The following DOCK4 variants were observed in gnomAD, a reference collection of about 807,000 sequenced individuals.
DOCK4 encodes the protein dedicator of cytokinesis protein 4.
DOCK4 carries 97 observed loss-of-function variants against 268.1 expected under a neutral mutation model. That is an observed-to-expected ratio of 0.36 (90% confidence interval 0.31 to 0.43). DOCK4 has a LOEUF of 0.43. Ranked by LOEUF, DOCK4 falls within the 20% of genes least tolerant of loss-of-function variation. The pLI is 1.00. For synonymous variants in DOCK4, 954 were observed against 887.2 expected (o/e 1.08, Z -1.34); for missense variants, 2,145 against 2,455.7 (o/e 0.87, Z 2.67).
At chr7:112,168,433 C>T (rs920308231) in intron 1 of DOCK4, among the ~76,000 whole-genome samples, 9 of 152,138 alleles carry the variant, frequency 5.9e-5, no homozygotes, top group East Asian at 1.9e-4. Flanking sequence ...ACACAGTTAA[C>T]GAGCCAGGCA....
At chr7:112,068,869 T>TGC (rs1231270104) in intron 1 of DOCK4, among the ~76,000 whole-genome samples, 1 of 152,148 alleles carries the variant, frequency 6.6e-6, no homozygotes, top group Non-Finnish European at 1.5e-5. Context: ...TGTCCCCAAG[T>TGC]GCCTCACCAG....
At chr7:111,827,827 C>T (rs1307525739) in intron 26 of DOCK4, among the ~76,000 whole-genome samples, 2 of 152,104 alleles carry the variant, frequency 1.3e-5, no homozygotes, top group Non-Finnish European at 1.5e-5. Flanking sequence ...GATTGGACTT[C>T]GTCCTGCAAG....
chr7:112,153,275 A>G (rs1816274241), intron 1 of DOCK4, among the ~76,000 whole-genome samples: 1 of 152,220 alleles, frequency 6.6e-6, no homozygotes, highest in Non-Finnish European at 1.5e-5. Context: ...TAAAATGCAC[A>G]TTGAACATTT....
chr7:111,825,989 G>C (rs1406018496), intron 26 of DOCK4, among the ~76,000 whole-genome samples: 1 of 152,216 alleles, frequency 6.6e-6, no homozygotes, highest in Admixed American at 6.5e-5. Flanking sequence ...GGGGATACCT[G>C]GTAAGAGACA....
chr7:112,164,610 TC>T (rs1563148080), intron 1 of DOCK4, among the ~76,000 whole-genome samples: 1 of 152,198 alleles, frequency 6.6e-6, no homozygotes, highest in African/African-American at 2.4e-5. Context: ...CATGGAAAAG[TC>T]TCTCATCTCT....
At position 112,031,550 on chromosome 7, in the gene DOCK4, A is replaced by G. The variant is rs547995735; in HGVS notation, c.38-27419T>C. 2.0e-5 allele frequency among the ~76,000 whole-genome samples: 3 copies of G among 152,166 alleles called. No homozygotes were observed. In the South Asian group the frequency reaches 6.2e-4, roughly 32 times the overall value. On this transcript the variant is annotated intron_variant, in intron 1 of 52. Transcript: ENST00000428084. ...CCAGGCCCAATTCTTATAACCTTCC[A>G]TTGTGTGCACTGATTCCTAACCTTT...
At chr7:111,747,804 T>C (rs1161239964) in intron 42 of DOCK4, among the ~76,000 whole-genome samples, 1 of 152,196 alleles carries the variant, frequency 6.6e-6, no homozygotes, top group Non-Finnish European at 1.5e-5. Context: ...CCCTGAATAT[T>C]ATCCCCTTTC....
intron 27 of DOCK4, among the ~76,000 whole-genome samples, chr7:111,818,553 A>G (rs897676707): frequency 2.0e-5 from 3 of 152,002 alleles, no homozygotes; most frequent in Non-Finnish European, 4.4e-5. Context: ...TCCAAAACCA[A>G]TCTTCTCACT....
At chr7:111,853,795 G>A (rs1452243885) in intron 23 of DOCK4, among the ~76,000 whole-genome samples, 1 of 151,946 alleles carries the variant, frequency 6.6e-6, no homozygotes, top group East Asian at 1.9e-4. Flanking sequence ...TCCTGGCCTG[G>A]GACTCCTACA....
At position 111,848,097 on chromosome 7, in the gene DOCK4, G is replaced by A. The variant is rs115429643; in HGVS notation, c.2474-971C>T. ...TTCTTCAGATCTGGGAATTTGCCTT[G>A]AATTATTTCTAGGATTATTTTCTTC... On this transcript the variant is annotated intron_variant, in intron 23 of 52. Transcript: ENST00000428084. 7.6e-3 allele frequency among the ~76,000 whole-genome samples: 1,153 copies of A among 152,226 alleles called. 18 individuals are homozygous for A. The highest frequency in any genetic ancestry group is 0.027 in the African/African-American group (1,113 of 41,520).
At chr7:111,895,335 C>A (rs928625559) in intron 16 of DOCK4, among the ~76,000 whole-genome samples, 1 of 152,132 alleles carries the variant, frequency 6.6e-6, no homozygotes, top group Non-Finnish European at 1.5e-5. Flanking sequence ...GTTTACTTAA[C>A]CCTATCACAG....
intron 16 of DOCK4, among the ~76,000 whole-genome samples, chr7:111,890,414 A>C (rs1431025280): frequency 6.6e-6 from 1 of 152,188 alleles, no homozygotes; most frequent in East Asian, 1.9e-4. Context: ...TTTTAGGCTT[A>C]TCTGTCAGCC....
chr7:112,043,626 A>G (rs1804589774), intron 1 of DOCK4, among the ~76,000 whole-genome samples: 1 of 152,040 alleles, frequency 6.6e-6, no homozygotes. Flanking sequence ...CACTGTTCCA[A>G]TAGAGCAGAG....
At chr7:111,800,194 G>T (rs934441367) in intron 30 of DOCK4, among the ~76,000 whole-genome samples, 5 of 149,946 alleles carry the variant, frequency 3.3e-5, no homozygotes, top group Non-Finnish European at 5.9e-5. Flanking sequence ...TTTATATAAG[G>T]AAAGATTTTG....
chr7:112,052,670 C>A (rs1441714437), intron 1 of DOCK4, among the ~76,000 whole-genome samples: 1 of 152,050 alleles, frequency 6.6e-6, no homozygotes, highest in Non-Finnish European at 1.5e-5. Flanking sequence ...AGATTTGCTG[C>A]CTCCCACTCA....
intron 16 of DOCK4, among the ~76,000 whole-genome samples, chr7:111,888,883 A>C (rs1808062825): frequency 6.6e-6 from 1 of 152,124 alleles, no homozygotes; most frequent in African/African-American, 2.4e-5. Flanking sequence ...GGAAAGCGTT[A>C]GGGTATTTGG....
chr7:111,780,789 G>GA (rs1257502747), intron 35 of DOCK4, among the ~76,000 whole-genome samples: 1 of 152,164 alleles, frequency 6.6e-6, no homozygotes, highest in Non-Finnish European at 1.5e-5. Flanking sequence ...ATTGCTACTA[G>GA]AAAAAATCAA....
intron 41 of DOCK4, among the ~76,000 whole-genome samples, chr7:111,756,158 A>C (rs113923968): frequency 0.028 from 4,190 of 152,200 alleles, 99 homozygotes; most frequent in African/African-American, 0.06. Flanking sequence ...ACCATCCTGG[A>C]TAATATGGTG....
chr7:111,788,595 A>T, intron 32 of DOCK4, 67 bp downstream of exon 32: 1 of 1,298,638 alleles, frequency 7.7e-7, no homozygotes, highest in Non-Finnish European at 1.1e-6. Flanking sequence ...ACCGTGGTGC[A>T]GAGAGGCTCA....
Sources: gnomAD v4.1 joint callset for allele counts (sites outside exome capture counted in the v4.1 genomes callset) on GRCh38, gnomAD v4.1.1 for gene constraint, MANE v1.5 for transcripts, NCBI Gene and HGNC (gene_info 2026-07-23, HGNC 2026-07-21) for gene names.